JADE3: variants seen among roughly 807,000 people sequenced by gnomAD.
JADE3 encodes jade family PHD finger 3.
JADE3 carries 2 observed loss-of-function variants against 50.1 expected under a neutral mutation model. The observed-to-expected ratio is 0.04, with a 90% CI of 0.02 to 0.13. The LOEUF is 0.13. JADE3 is among the 10% of genes least tolerant of loss of function. JADE3 has a pLI of 1.00. For synonymous variants in JADE3, 218 were observed against 232.9 expected (o/e 0.94, Z 0.58); for missense variants, 475 against 634.4 (o/e 0.75, Z 2.70).
chrX:46,935,523 C>G (rs1926596296), intron 1 of JADE3, among the ~76,000 whole-genome samples: 1 of 110,504 alleles, frequency 9.0e-6, no homozygotes, highest in South Asian at 3.9e-4. Flanking sequence ...AGCTCCACCT[C>G]CTATCAGATC....
chrX:46,940,927 T>G (rs923137456), intron 1 of JADE3, among the ~76,000 whole-genome samples: 2 of 112,088 alleles, frequency 1.8e-5, no homozygotes, highest in Non-Finnish European at 3.8e-5. Context: ...TATTTTTTCA[T>G]TTAAAAATAT....
At position 47,049,495 on chromosome X, in the gene JADE3, C is replaced by T. The variant is rs1258556897; in HGVS notation, c.973-4663C>T. ...TTTTTTTTCAGGGTCTCACTCCTAT[C>T]GCCCAGGCCGGAGTGCAGTGGCACA... On this transcript the variant is annotated intron_variant, in intron 8 of 10. Coordinates refer to ENST00000614628, the MANE Select transcript of JADE3 (RefSeq NM_014735.5). 2.9e-5 allele frequency among the ~76,000 whole-genome samples: 3 copies of T among 101,704 alleles called. No homozygotes were observed. In the East Asian group the frequency reaches 9.3e-4, roughly 32 times the overall value. 88.3% of individuals were successfully genotyped at this position (101,704 alleles called of 115,157 possible). A position where few individuals can be genotyped will look rare whatever the true frequency, so the allele number is the denominator to read the frequency against.
At chrX:46,980,778 A>G (rs1016952316) in intron 1 of JADE3, among the ~76,000 whole-genome samples, 3 of 111,622 alleles carry the variant, frequency 2.7e-5, no homozygotes, top group Admixed American at 9.6e-5. Context: ...CATTTTGTAT[A>G]TTAGGTTGTG....
chrX:47,006,312 C>G (rs1422256300), intron 4 of JADE3, among the ~76,000 whole-genome samples: 1 of 110,521 alleles, frequency 9.0e-6, no homozygotes, highest in Non-Finnish European at 1.9e-5. Context: ...GAGACAGGGT[C>G]TTACTCTGTC....
chrX:47,051,959 T>C (rs1404352344), intron 8 of JADE3, among the ~76,000 whole-genome samples: 1 of 110,893 alleles, frequency 9.0e-6, no homozygotes, highest in African/African-American at 3.3e-5. Flanking sequence ...CAGGACTTGG[T>C]GGCGCACGCC....
chrX:47,058,661 A>G lies in JADE3; in HGVS notation c.2056A>G (p.Met686Val). 1.7e-6 allele frequency: 2 copies of G among 1,211,420 alleles called. No individual in the cohort carries two copies. The highest frequency in any genetic ancestry group is 2.2e-6 in the Non-Finnish European group (2 of 895,366). Residue 686 changes from methionine to valine, a missense_variant, in exon 11 of 11, where the codon ATG (methionine) becomes GTG (valine). Physicochemically the swap from Met to Val is conservative, Grantham distance 21. This residue lies in a region of JADE3 where 243 missense variants were observed against 238.2 expected (regional missense o/e 1.02). Transcript: ENST00000614628. The part of the protein sequence containing the change: ...NVTQKDSSSE[M>V]FCDQEPVFSP... ...CACCCAAAAAGACAGCTCGAGTGAG[A>G]TGTTCTGTGACCAGGAGCCTGTGTT...
At chrX:46,963,727 G>A (rs782426908) in intron 1 of JADE3, among the ~76,000 whole-genome samples, 18 of 111,476 alleles carry the variant, frequency 1.6e-4, no homozygotes, top group African/African-American at 5.9e-4. Flanking sequence ...TCATCCTGCA[G>A]CAGGCTAGCC....
intron 4 of JADE3, among the ~76,000 whole-genome samples, chrX:47,020,708 T>C (rs1556364198): frequency 8.9e-6 from 1 of 112,508 alleles, no homozygotes; most frequent in Non-Finnish European, 1.9e-5. Context: ...TCATTATCAT[T>C]ATTGTAAATT....
chrX:46,955,964 A>C (rs1392677900), intron 1 of JADE3, among the ~76,000 whole-genome samples: 1 of 112,013 alleles, frequency 8.9e-6, no homozygotes, highest in African/African-American at 3.2e-5. Flanking sequence ...TCTCCTCTCC[A>C]TAGTCACACA....
At position 47,008,860 on chromosome X, in the gene JADE3, G is replaced by A. The variant is rs1034080496; in HGVS notation, c.284+10583G>A. 8.1e-5 allele frequency among the ~76,000 whole-genome samples: 9 copies of A among 111,314 alleles called. No individual in the cohort carries two copies. In the Admixed American group the frequency reaches 8.7e-4, roughly 11 times the overall value. ...GCTAGTTGTACAAATGTATGTAGAT[G>A]TGTGTGTCAAAACTTTATACATTTA... On this transcript the variant is annotated intron_variant, in intron 4 of 10. Coordinates refer to ENST00000614628, the MANE Select transcript of JADE3 (RefSeq NM_014735.5).
chrX:47,004,481 A>C (rs782774582), intron 4 of JADE3, among the ~76,000 whole-genome samples: 2 of 112,094 alleles, frequency 1.8e-5, no homozygotes, highest in South Asian at 7.4e-4. Context: ...CCCAGGCTGC[A>C]GTGAAATGGC....
At position 47,061,051 on chromosome X, in the gene JADE3, C is replaced by T. The variant is rs1179354264; in HGVS notation, c.*1974C>T. On this transcript the variant is annotated 3_prime_UTR_variant, in exon 11 of 11. Coordinates refer to ENST00000614628, the MANE Select transcript of JADE3 (RefSeq NM_014735.5). The stretch of plus-strand genomic sequence containing the variant: ...GGATATTCCTAGGTAAATGAAGGAG[C>T]CTTCAGTTGTAAATTTCAATTACCC... 9.0e-6 allele frequency: 1 copy of T among 111,573 alleles called. No individual in the cohort carries two copies. Among genetic ancestry groups the T allele is most frequent in the East Asian group, 2.8e-4 (1 of 3,564 alleles). 9.2% of individuals were successfully genotyped at this position (111,573 alleles called of 1,213,427 possible).
At chrX:46,913,099 C>G (rs544948887) in intron 1 of JADE3, among the ~76,000 whole-genome samples, 2 of 112,402 alleles carry the variant, frequency 1.8e-5, no homozygotes, top group East Asian at 5.7e-4. Context: ...CTGGCGCCCC[C>G]TCCTCCGTTC....
intron 3 of JADE3, among the ~76,000 whole-genome samples, chrX:46,994,972 G>A (rs1433158198): frequency 9.0e-6 from 1 of 110,762 alleles, no homozygotes; most frequent in Non-Finnish European, 1.9e-5. Flanking sequence ...GAAAGCTACA[G>A]TAGTGAAATC....
chrX:47,050,562 G>A (rs186765554), intron 8 of JADE3, among the ~76,000 whole-genome samples: 224 of 112,001 alleles, frequency 2.0e-3, no homozygotes, highest in African/African-American at 6.8e-3. Context: ...AAATACCACA[G>A]AATTACCTTT....
intron 4 of JADE3, among the ~76,000 whole-genome samples, chrX:47,000,676 T>A (rs1215296156): frequency 1.1e-4 from 12 of 111,108 alleles, no homozygotes; most frequent in Admixed American, 9.6e-4. Flanking sequence ...CCTCAGCCAC[T>A]TGAATAGCTG....
chrX:46,944,656 A>C (rs1556342934), intron 1 of JADE3, among the ~76,000 whole-genome samples: 2 of 110,237 alleles, frequency 1.8e-5, no homozygotes, highest in African/African-American at 6.6e-5. Flanking sequence ...CTTTCCTCTT[A>C]ACACTGCCTT....
At chrX:47,012,292 T>A (rs1556361853) in intron 4 of JADE3, among the ~76,000 whole-genome samples, 1 of 111,502 alleles carries the variant, frequency 9.0e-6, no homozygotes, top group Non-Finnish European at 1.9e-5. Context: ...CGACAGTTTT[T>A]AATTTTGGGC....
At chrX:46,923,393 C>CTTTTTGTTTTTTT (rs1926275247) in intron 1 of JADE3, among the ~76,000 whole-genome samples, 1 of 11,525 alleles carries the variant, frequency 8.7e-5, no homozygotes, top group Non-Finnish European at 2.0e-4. Context: ...CTCTCTCTCT[C>CTTTTTGTTTTTTT]TTTTTTTTTT....
Sources: allele counts gnomAD v4.1 joint callset (sites outside exome capture counted in the v4.1 genomes callset), GRCh38; gene constraint gnomAD v4.1.1; regional missense constraint gnomAD v4.1.1; transcripts MANE v1.5; gene names NCBI Gene and HGNC (gene_info 2026-07-23, HGNC 2026-07-21).